The following WDSUB1 variants were observed in gnomAD, a reference collection of about 807,000 sequenced individuals.
WDSUB1 encodes the protein WD repeat, SAM and U-box domain-containing protein 1.
Under a neutral mutation model 53.9 loss-of-function variants are expected in WDSUB1, and 49 were observed. The observed-to-expected ratio is 0.91, with a 90% CI of 0.72 to 1.15. WDSUB1 has a LOEUF of 1.15. Among genes scored for constraint, WDSUB1 ranks in the 50% most tolerant of loss-of-function variants. The probability of loss-of-function intolerance (pLI) is 0.00; values close to 1 mark genes in which losing one functional copy is unlikely to be tolerated. For missense variants in WDSUB1, 514 were observed against 562.0 expected (o/e 0.91, Z 0.86); for synonymous variants, 194 against 200.6 (o/e 0.97, Z 0.28).
At chr2:159,264,445 G>A (rs1158492067) in intron 5 of WDSUB1, among the ~76,000 whole-genome samples, 1 of 152,204 alleles carries the variant, frequency 6.6e-6, no homozygotes, top group Non-Finnish European at 1.5e-5. Flanking sequence ...CTCCTAACTC[G>A]TGACAATAAA....
At chr2:159,247,930 T>TATATAA (rs2060852110) in intron 10 of WDSUB1, among the ~76,000 whole-genome samples, 1 of 63,298 alleles carries the variant, frequency 1.6e-5, no homozygotes, top group South Asian at 5.8e-4. Context: ...TATATATAAA[T>TATATAA]ATATATATAT....
chr2:159,266,257 G>A (rs887966074), intron 5 of WDSUB1, among the ~76,000 whole-genome samples: 4 of 151,742 alleles, frequency 2.6e-5, no homozygotes, highest in African/African-American at 4.8e-5. Context: ...GGCACGATCT[G>A]GACTCACCGC....
In WDSUB1 at chr2:159,255,484, ATAAAT is replaced by A. The variant is rs1046005914; in HGVS notation, c.1132+707_1132+711del. On this transcript the variant is annotated intron_variant, in intron 9 of 10. Transcript: ENST00000359774. ...TCCATCTCAAAAATAAATAAATAAA[ATAAAT>A]TAAATTAAATTAAATAAAGAAAAGT... is the stretch of plus-strand genomic sequence containing the variant. Among the ~76,000 whole-genome samples, 18 of 149,362 alleles carry A rather than the reference ATAAAT, an allele frequency of 1.2e-4. No homozygotes were observed. The South Asian group carries it at 3.1e-3, about 26-fold the overall frequency.
At chr2:159,247,912 T>TATAA (rs2060847554) in intron 10 of WDSUB1, among the ~76,000 whole-genome samples, 1 of 72,224 alleles carries the variant, frequency 1.4e-5, no homozygotes, top group Admixed American at 1.7e-4. Flanking sequence ...TATATATAAA[T>TATAA]ATATATATAT....
chr2:159,255,399 G>A (rs575094975), intron 9 of WDSUB1, among the ~76,000 whole-genome samples: 18 of 152,078 alleles, frequency 1.2e-4, no homozygotes, highest in South Asian at 1.0e-3. Context: ...CCTGGGAGGC[G>A]GAGCTTGCAG....
Position 159,271,761 on chromosome 2 carries a change from C to T in WDSUB1, c.711G>A (p.Gly237=). Residue 237 remains glycine (G), a synonymous_variant, in exon 5 of 11, where the codon GGG becomes GGA. Coordinates refer to ENST00000359774, the MANE Select transcript of WDSUB1 (RefSeq NM_001128212.3). ...FELKYKSTLS[G]HCAPVLACAF... is the part of the protein sequence containing the mutation. ...CACAAGCCAGAACAGGAGCACAGTGCCCACTCAGTGTACTTTTATATTTTA... is the reference window on the plus strand; with the variant it reads ...CACAAGCCAGAACAGGAGCACAGTGTCCACTCAGTGTACTTTTATATTTTA... 1 of 1,614,070 alleles carries T rather than the reference C, an allele frequency of 6.2e-7. No individual in the cohort carries two copies. The highest frequency in any genetic ancestry group is 8.5e-7 in the Non-Finnish European group (1 of 1,179,958).
Position 159,286,333 on chromosome 2 carries a change from G to C in WDSUB1, c.-25+250C>G, listed in dbSNP as rs527584605. 3 of 152,564 alleles carry C rather than the reference G, an allele frequency of 2.0e-5. No homozygotes were observed. The South Asian group carries it at 6.2e-4, about 32-fold the overall frequency. 9.5% of individuals were successfully genotyped at this position (152,564 alleles called of 1,614,324 possible). On this transcript the variant is annotated intron_variant, in intron 1 of 10. Coordinates refer to ENST00000359774, the MANE Select transcript of WDSUB1 (RefSeq NM_001128212.3). ...GTGGACTGAGCGACCCCAGGCAAGA[G>C]GGAGGCCTGGGAGGCAGGGAGCTCA...
chr2:159,261,876 A>T (rs1248940367), intron 5 of WDSUB1, among the ~76,000 whole-genome samples: 3 of 14,642 alleles, frequency 2.0e-4, no homozygotes, highest in African/African-American at 3.6e-4. Context: ...ATATATATAT[A>T]TATATATATA....
chr2:159,259,760 T>A, intron 6 of WDSUB1, 50 bp downstream of exon 6: 1 of 1,478,766 alleles, frequency 6.8e-7, no homozygotes, highest in Non-Finnish European at 9.1e-7. Context: ...AGTTCAGTAG[T>A]CTAATAAACA....
chr2:159,274,580 C>G (rs73967298), intron 4 of WDSUB1, among the ~76,000 whole-genome samples: 5 of 152,280 alleles, frequency 3.3e-5, no homozygotes, highest in African/African-American at 1.2e-4. Flanking sequence ...GCATTTATCC[C>G]TGGCGAAACC....
chr2:159,262,558 G>C (rs1312332796), intron 5 of WDSUB1, among the ~76,000 whole-genome samples: 2 of 152,066 alleles, frequency 1.3e-5, no homozygotes, highest in Admixed American at 1.3e-4. Flanking sequence ...CACATGAACA[G>C]ACCTGCAGGC....
At chr2:159,247,545 T>A (rs1316800645) in intron 10 of WDSUB1, among the ~76,000 whole-genome samples, 1 of 151,980 alleles carries the variant, frequency 6.6e-6, no homozygotes, top group Non-Finnish European at 1.5e-5. Flanking sequence ...TCTAAACTGT[T>A]TTTTTTTCCT....
At chr2:159,250,251 C>T (rs529190587) in intron 9 of WDSUB1, among the ~76,000 whole-genome samples, 59 of 152,338 alleles carry the variant, frequency 3.9e-4, no homozygotes, top group Admixed American at 1.2e-3. Context: ...CACCAAAGGG[C>T]TGCTTTCCTC....
chr2:159,267,571 T>C (rs1442498960), intron 5 of WDSUB1, among the ~76,000 whole-genome samples: 1 of 152,106 alleles, frequency 6.6e-6, no homozygotes, highest in Non-Finnish European at 1.5e-5. Flanking sequence ...TCTCAAAGTG[T>C]TGGAATAACA....
chr2:159,255,242 C>A (rs1204039607), intron 9 of WDSUB1, among the ~76,000 whole-genome samples: 1 of 151,898 alleles, frequency 6.6e-6, no homozygotes. Context: ...CTGAGGCAGG[C>A]GGATCACAAG....
At chr2:159,250,103 AAAAAG>A (rs1287622254) in intron 9 of WDSUB1, among the ~76,000 whole-genome samples, 4 of 150,634 alleles carry the variant, frequency 2.7e-5, no homozygotes, top group African/African-American at 4.9e-5. Context: ...AAAAAAAAAA[AAAAAG>A]AAGGGAAGGG....
chr2:159,247,910 A>AATATATATAT (rs1300223913), intron 10 of WDSUB1, among the ~76,000 whole-genome samples: 4 of 17,682 alleles, frequency 2.3e-4, no homozygotes, highest in African/African-American at 4.6e-4. Flanking sequence ...TATATATATA[A>AATATATATAT]ATATATATAT....
At chr2:159,248,279 C>A in intron 10 of WDSUB1, 93 bp downstream of exon 10, 1 of 1,453,714 alleles carries the variant, frequency 6.9e-7, no homozygotes, top group Non-Finnish European at 9.2e-7. Context: ...ACTTAAAATT[C>A]TTCACATTTA....
At chr2:159,253,193 ATTAAATG>A (rs2060987192) in intron 9 of WDSUB1, among the ~76,000 whole-genome samples, 1 of 152,252 alleles carries the variant, frequency 6.6e-6, no homozygotes. Flanking sequence ...TGAATGAGAT[ATTAAATG>A]TTATAGTAGT....
Sources: allele counts gnomAD v4.1 joint callset (sites outside exome capture counted in the v4.1 genomes callset), GRCh38; gene constraint gnomAD v4.1.1; transcripts MANE v1.5; gene names NCBI Gene and HGNC (gene_info 2026-07-23, HGNC 2026-07-21).